The following CCSER1 variants were observed in gnomAD, a reference collection of about 807,000 sequenced individuals.
The protein encoded by CCSER1 is coiled-coil serine rich protein 1, also known as serine-rich coiled-coil domain-containing protein 1.
A neutral mutation model predicts 82.0 loss-of-function variants in CCSER1; 41 were observed. That is an observed-to-expected ratio of 0.50 (90% CI 0.39 to 0.65). CCSER1 has a LOEUF of 0.65. CCSER1 is among the 30% of genes least tolerant of loss of function. CCSER1 has a pLI of 0.00. For missense variants in CCSER1, 1,119 were observed against 1,064.2 expected, an observed-to-expected ratio of 1.05 and a Z score of -0.72; for synonymous variants, 414 against 383.9, an observed-to-expected ratio of 1.08 and a Z score of -0.92.
chr4:90,933,182 T>TGTGTGTGTGTGTGA (rs1730444285), intron 9 of CCSER1, among the ~76,000 whole-genome samples: 4 of 90,756 alleles, frequency 4.4e-5, no homozygotes, highest in African/African-American at 2.1e-4. Context: ...TGTGTGTGTG[T>TGTGTGTGTGTGTGA]GATTTTATTT....
intron 1 of CCSER1, among the ~76,000 whole-genome samples, chr4:90,155,501 T>C (rs1279374093): frequency 1.3e-5 from 2 of 152,186 alleles, no homozygotes; most frequent in African/African-American, 4.8e-5. Context: ...TGTGAATCCA[T>C]CTGGTCCTGG....
chr4:90,566,432 TA>T (rs146449432), intron 5 of CCSER1, among the ~76,000 whole-genome samples: 68 of 146,976 alleles, frequency 4.6e-4, no homozygotes, highest in Non-Finnish European at 4.8e-4. Flanking sequence ...CTCTGTAAAT[TA>T]AAAAAAAAAA....
At chr4:90,823,321 T>G (rs1166393730) in intron 8 of CCSER1, among the ~76,000 whole-genome samples, 1 of 152,174 alleles carries the variant, frequency 6.6e-6, no homozygotes, top group Non-Finnish European at 1.5e-5. Flanking sequence ...AAACAATGCA[T>G]TTTTAAATGG....
chr4:90,798,255 T>C (rs1756308613), intron 7 of CCSER1, among the ~76,000 whole-genome samples: 1 of 152,150 alleles, frequency 6.6e-6, no homozygotes, highest in Admixed American at 6.5e-5. Context: ...TTTCCTTTTC[T>C]TGGTATATTC....
intron 9 of CCSER1, among the ~76,000 whole-genome samples, chr4:91,074,928 A>G (rs558861989): frequency 2.6e-5 from 4 of 151,650 alleles, no homozygotes; most frequent in Admixed American, 2.0e-4. Context: ...TATTTTTTCA[A>G]TCAGAAAAAA....
chr4:90,797,219 C>T (rs1451356822), intron 7 of CCSER1, among the ~76,000 whole-genome samples: 1 of 152,078 alleles, frequency 6.6e-6, no homozygotes, highest in Non-Finnish European at 1.5e-5. Flanking sequence ...TTGTATTGAA[C>T]CCTTTACCAT....
chr4:90,999,172 G>A (rs955958399), intron 9 of CCSER1, among the ~76,000 whole-genome samples: 4 of 152,152 alleles, frequency 2.6e-5, no homozygotes, highest in Non-Finnish European at 5.9e-5. Context: ...TTGCTATTGT[G>A]AATAGTATTG....
chr4:90,591,207 TA>T (rs938673891), intron 5 of CCSER1, among the ~76,000 whole-genome samples: 14 of 152,274 alleles, frequency 9.2e-5, no homozygotes, highest in African/African-American at 3.1e-4. Flanking sequence ...TGGGGTTTTC[TA>T]AATATCCAAT....
At chr4:90,157,431 A>G (rs1490304424) in intron 1 of CCSER1, among the ~76,000 whole-genome samples, 2 of 136,262 alleles carry the variant, frequency 1.5e-5, no homozygotes, top group Non-Finnish European at 3.5e-5. Flanking sequence ...GCCTTGCTAG[A>G]TTGGGGAAGT....
chr4:90,824,496 TA>T, intron 8 of CCSER1, among the ~76,000 whole-genome samples: 1 of 152,240 alleles, frequency 6.6e-6, no homozygotes, highest in African/African-American at 2.4e-5. Context: ...TATGGCTAAC[TA>T]GCACTTTATC....
intron 1 of CCSER1, among the ~76,000 whole-genome samples, chr4:90,280,269 G>C (rs2153459983): frequency 6.6e-6 from 1 of 151,938 alleles, no homozygotes; most frequent in Admixed American, 6.6e-5. Context: ...GAATTTTTGG[G>C]CACCCAGAAA....
At chr4:91,261,502 T>C (rs1196141820) in intron 10 of CCSER1, among the ~76,000 whole-genome samples, 1 of 152,218 alleles carries the variant, frequency 6.6e-6, no homozygotes, top group African/African-American at 2.4e-5. Flanking sequence ...CATAGTACCT[T>C]TCATTTACAC....
intron 3 of CCSER1, among the ~76,000 whole-genome samples, chr4:90,367,498 A>G (rs1746475418): frequency 6.6e-6 from 1 of 151,904 alleles, no homozygotes; most frequent in African/African-American, 2.4e-5. Flanking sequence ...AGCTAGCCAT[A>G]TTTTGTCTTT....
chr4:90,340,102 C>T (rs888109774), intron 3 of CCSER1, among the ~76,000 whole-genome samples: 1 of 151,988 alleles, frequency 6.6e-6, no homozygotes. Flanking sequence ...ATTATATTTT[C>T]CCCCCAACAC....
chr4:90,411,291 T>G (rs538953527), intron 4 of CCSER1, among the ~76,000 whole-genome samples: 3,535 of 152,252 alleles, frequency 0.023, 147 homozygotes, highest in African/African-American at 0.081. Context: ...AGCATCATCC[T>G]GATACCAAAG....
At chr4:90,437,616 A>C (rs1376345943) in intron 4 of CCSER1, among the ~76,000 whole-genome samples, 1 of 152,196 alleles carries the variant, frequency 6.6e-6, no homozygotes, top group African/African-American at 2.4e-5. Context: ...TAATGTGGTC[A>C]GCATAGTCAT....
At chr4:90,650,688 A>AT (rs914115201) in intron 6 of CCSER1, among the ~76,000 whole-genome samples, 8 of 152,188 alleles carry the variant, frequency 5.3e-5, no homozygotes, top group African/African-American at 1.9e-4. Flanking sequence ...ATACCTACAT[A>AT]TTTTTTACAC....
chr4:91,089,204 CA>C (rs1452168483), intron 10 of CCSER1, among the ~76,000 whole-genome samples: 1 of 152,158 alleles, frequency 6.6e-6, no homozygotes, highest in Admixed American at 6.5e-5. Flanking sequence ...CGGTATGTGA[CA>C]GGGGCTGCAA....
intron 10 of CCSER1, among the ~76,000 whole-genome samples, chr4:91,549,426 T>G (rs1762053241): frequency 6.6e-6 from 1 of 152,190 alleles, no homozygotes; most frequent in Non-Finnish European, 1.5e-5. Context: ...GTAATTTTTT[T>G]GTTGAAAGGT....
Sources: gnomAD v4.1 joint callset for allele counts (sites outside exome capture counted in the v4.1 genomes callset) on GRCh38, gnomAD v4.1.1 for gene constraint, MANE v1.5 for transcripts, NCBI Gene and HGNC (gene_info 2026-07-23, HGNC 2026-07-21) for gene names.